PABPC4L: variants seen among roughly 807,000 people sequenced by gnomAD.
PABPC4L encodes the protein polyadenylate-binding protein 4-like.
For missense variants in PABPC4L, 452 were observed against 451.4 expected, an observed-to-expected ratio of 1.00 and a Z score of -0.01; for synonymous variants, 169 against 164.1, an observed-to-expected ratio of 1.03 and a Z score of -0.23.
the PABPC4L span, among the ~76,000 whole-genome samples, chr4:134,082,878 A>G: frequency 5.9e-5 from 9 of 152,140 alleles, no homozygotes; most frequent in Non-Finnish European, 1.2e-4. Flanking sequence ...AACATGATCG[A>G]TATTTTCCAG....
the PABPC4L span, among the ~76,000 whole-genome samples, chr4:134,173,079 G>A: frequency 6.8e-6 from 1 of 148,108 alleles, no homozygotes; most frequent in African/African-American, 2.5e-5. Flanking sequence ...ATGAGGATGT[G>A]GAGAAAGAGA....
the PABPC4L span, among the ~76,000 whole-genome samples, chr4:134,023,745 A>AT: frequency 1.3e-5 from 2 of 151,996 alleles, no homozygotes; most frequent in Non-Finnish European, 2.9e-5. Flanking sequence ...TAATGTATTG[A>AT]TTTTTATCAT....
chr4:133,952,563 G>A, the PABPC4L span, among the ~76,000 whole-genome samples: 1 of 152,002 alleles, frequency 6.6e-6, no homozygotes, highest in Non-Finnish European at 1.5e-5. Flanking sequence ...CTCTATTACT[G>A]GTTGAAGAAC....
the PABPC4L span, among the ~76,000 whole-genome samples, chr4:134,004,398 T>C: frequency 6.6e-6 from 1 of 151,886 alleles, no homozygotes; most frequent in Non-Finnish European, 1.5e-5. Context: ...AGGTGCTCAA[T>C]ATCATCAGTC....
chr4:134,182,642 A>G, the PABPC4L span, among the ~76,000 whole-genome samples: 2 of 152,068 alleles, frequency 1.3e-5, no homozygotes, highest in Admixed American at 1.3e-4. Flanking sequence ...AGGAAAAGAA[A>G]CTATCAACAG....
At chr4:134,133,346 C>T in the PABPC4L span, among the ~76,000 whole-genome samples, 1 of 136,568 alleles carries the variant, frequency 7.3e-6, no homozygotes, top group African/African-American at 2.7e-5. Context: ...TAATATATAA[C>T]CATATCTTAT....
rs1353031149 is a variant in PABPC4L at position 134,197,307 on chromosome 4, A to G, written c.*2600T>C. On this transcript the variant is annotated 3_prime_UTR_variant, in exon 2 of 2. Transcript: ENST00000421491. ...TTAAAATATTTACTATAGGTTTTAT[A>G]TAAGATACTTTTTATGAACCAAAAT... The G allele has an allele frequency of 6.6e-6, 1 of 151,778 alleles. No individual in the cohort carries two copies. The highest frequency in any genetic ancestry group is 2.4e-5 in the African/African-American group (1 of 41,448). 9.4% of individuals were successfully genotyped at this position (151,778 alleles called of 1,614,324 possible).
the PABPC4L span, among the ~76,000 whole-genome samples, chr4:134,091,930 A>G: frequency 6.6e-6 from 1 of 152,222 alleles, no homozygotes; most frequent in East Asian, 1.9e-4. Context: ...ACACTTTTAC[A>G]GCAAAGTAAT....
chr4:134,043,139 A>G, the PABPC4L span, among the ~76,000 whole-genome samples: 6 of 151,848 alleles, frequency 4.0e-5, no homozygotes, highest in Non-Finnish European at 7.4e-5. Context: ...CAGCTGTCCT[A>G]TCCAAGAAAA....
At chr4:134,077,484 A>G in the PABPC4L span, among the ~76,000 whole-genome samples, 1 of 152,236 alleles carries the variant, frequency 6.6e-6, no homozygotes, top group Non-Finnish European at 1.5e-5. Flanking sequence ...AAAGAAGCTT[A>G]GATAGAATGA....
the PABPC4L span, among the ~76,000 whole-genome samples, chr4:134,059,915 CT>C: frequency 1.3e-5 from 2 of 152,116 alleles, no homozygotes; most frequent in Admixed American, 6.6e-5. Context: ...CTGGTTTTAA[CT>C]TCGTATCTCT....
chr4:134,000,706 CATTGA>C, the PABPC4L span, among the ~76,000 whole-genome samples: 1 of 152,074 alleles, frequency 6.6e-6, no homozygotes, highest in Non-Finnish European at 1.5e-5. Context: ...GCAGTCAACC[CATTGA>C]GGACGTGACT....
the PABPC4L span, among the ~76,000 whole-genome samples, chr4:134,049,453 T>C: frequency 1.1e-4 from 16 of 152,174 alleles, no homozygotes; most frequent in Non-Finnish European, 1.3e-4. Flanking sequence ...ACATTATAAC[T>C]GGGTATCTCC....
At chr4:134,029,578 T>A in the PABPC4L span, among the ~76,000 whole-genome samples, 1 of 151,990 alleles carries the variant, frequency 6.6e-6, no homozygotes, top group Admixed American at 6.6e-5. Context: ...ATATACAGAA[T>A]AGGGTAAACT....
the PABPC4L span, among the ~76,000 whole-genome samples, chr4:134,076,294 A>G: frequency 2.6e-5 from 4 of 152,156 alleles, no homozygotes; most frequent in African/African-American, 9.7e-5. Flanking sequence ...TTAAAATAAG[A>G]AAGTTTAGAT....
the PABPC4L span, among the ~76,000 whole-genome samples, chr4:134,072,120 C>T: frequency 6.6e-6 from 1 of 151,982 alleles, no homozygotes; most frequent in Non-Finnish European, 1.5e-5. Context: ...TTTCTTTTTG[C>T]CTGAAATGAG....
the PABPC4L span, among the ~76,000 whole-genome samples, chr4:133,962,105 C>T: frequency 6.6e-6 from 1 of 152,310 alleles, no homozygotes; most frequent in African/African-American, 2.4e-5. Flanking sequence ...CAAGGGAATT[C>T]CCCGTGGGAC....
the PABPC4L span, among the ~76,000 whole-genome samples, chr4:133,981,397 C>T: frequency 2.6e-4 from 40 of 152,158 alleles, no homozygotes; most frequent in East Asian, 2.5e-3. Context: ...TGTCGGATTT[C>T]TGTCTTCTCT....
chr4:134,175,831 A>G, the PABPC4L span, among the ~76,000 whole-genome samples: 1 of 152,330 alleles, frequency 6.6e-6, no homozygotes, highest in Admixed American at 6.5e-5. Context: ...CCTAGGCTGC[A>G]GAGTAATAGG....
Sources: allele counts gnomAD v4.1 joint callset (sites outside exome capture counted in the v4.1 genomes callset), GRCh38; gene constraint gnomAD v4.1.1; transcripts MANE v1.5; gene names NCBI Gene and HGNC (gene_info 2026-07-23, HGNC 2026-07-21).